The following IL17RD variants were observed in gnomAD, a reference collection of about 807,000 sequenced individuals.
IL17RD encodes interleukin 17 receptor D, also known as interleukin-17 receptor D.
IL17RD carries 52 observed loss-of-function variants against 80.5 expected under a neutral mutation model. The observed-to-expected ratio is 0.65, with a 90% confidence interval of 0.52 to 0.81. The LOEUF (loss-of-function observed/expected upper bound fraction) is 0.81, where lower values mean the gene tolerates loss of function less well. IL17RD is among the 40% of genes least tolerant of loss of function. IL17RD has a pLI of 0.00. For synonymous variants in IL17RD, 416 were observed against 391.8 expected, an observed-to-expected ratio of 1.06 and a Z score of -0.73; for missense variants, 1,024 against 955.1, an observed-to-expected ratio of 1.07 and a Z score of -0.95.
chr3:57,121,153 AAT>A (rs1707329195), intron 1 of IL17RD, among the ~76,000 whole-genome samples: 1 of 152,204 alleles, frequency 6.6e-6, no homozygotes, highest in Non-Finnish European at 1.5e-5. Context: ...AATTCTCCAA[AAT>A]ATGTTAATTC....
At chr3:57,113,010 C>T (rs1707132644) in intron 3 of IL17RD, among the ~76,000 whole-genome samples, 1 of 152,158 alleles carries the variant, frequency 6.6e-6, no homozygotes, top group Non-Finnish European at 1.5e-5. Context: ...GATTGGGAAG[C>T]TGGGGTTCAG....
intron 1 of IL17RD, chr3:57,134,282 G>T: frequency 2.9e-6 from 2 of 681,260 alleles, no homozygotes; most frequent in South Asian, 2.8e-5. Context: ...AAGATGGGCT[G>T]ATCATCTACA....
chr3:57,135,059 G>GATC (rs1368163497), intron 1 of IL17RD, among the ~76,000 whole-genome samples: 1 of 152,134 alleles, frequency 6.6e-6, no homozygotes, highest in African/African-American at 2.4e-5. Context: ...AGTGAGCCAT[G>GATC]ATCACTCCAC....
chr3:57,151,009 C>G (rs1414222365), intron 1 of IL17RD, among the ~76,000 whole-genome samples: 1 of 152,192 alleles, frequency 6.6e-6, no homozygotes, highest in Non-Finnish European at 1.5e-5. Context: ...CATTTAATAT[C>G]ACATGTTTAT....
At chr3:57,165,378 C>A, upstream of IL17RD, 1 of 1,120,548 alleles carries the variant, frequency 8.9e-7, no homozygotes, top group Non-Finnish European at 1.1e-6. Flanking sequence ...GCGGCCGCGG[C>A]GGCAGCGAAG....
At chr3:57,148,938 T>C (rs1707994040) in intron 1 of IL17RD, among the ~76,000 whole-genome samples, 1 of 152,104 alleles carries the variant, frequency 6.6e-6, no homozygotes, top group African/African-American at 2.4e-5. Flanking sequence ...CCAACTAACC[T>C]CTGCACCTTT....
chr3:57,102,316 G>A lies in IL17RD; in HGVS notation c.979+163C>T, dbSNP rs530090958. Among the ~76,000 whole-genome samples the A allele has an allele frequency of 8.9e-4, 136 of 152,232 alleles. 2 individuals carry two copies. Among genetic ancestry groups the A allele is most frequent in the Admixed American group, 5.0e-3 (76 of 15,302 alleles). ...ACCTGTTTTTTTTAGTGGCTCCTGA[G>A]GTTAAAAGCCAAATATTTTAATTCT... On this transcript the variant is annotated intron_variant, in intron 10 of 12. Transcript: ENST00000296318.
rs998017380 is a variant in IL17RD, at chr3:57,091,747, A to G, written c.*4646T>C. 7 of 152,308 alleles carry G rather than the reference A, an allele frequency of 4.6e-5. No homozygotes were observed. The highest frequency in any genetic ancestry group is 1.7e-4 in the African/African-American group (7 of 41,444). The allele number at this position is 152,308 out of a possible 1,614,324, so 9.4% of individuals were successfully genotyped here. The stretch of plus-strand genomic sequence containing the variant: ...GGAAGCTGGCTTGAATTTCTCTAAG[A>G]CATACAAAGAACTATCTGATCAGCA... On this transcript the variant is annotated 3_prime_UTR_variant, in exon 13 of 13. Transcript: ENST00000296318.
In IL17RD at chr3:57,096,252, A is replaced by G; in HGVS notation, c.*141T>C. 1.5e-6 allele frequency: 1 copy of G among 664,298 alleles called. No individual in the cohort carries two copies. Among genetic ancestry groups the G allele is most frequent in the Non-Finnish European group, 2.8e-6 (1 of 360,976 alleles). The allele number at this position is 664,298 out of a possible 1,614,324, so 41.2% of individuals were successfully genotyped here. A position where few individuals can be genotyped will look rare whatever the true frequency, so the allele number is the denominator to read the frequency against. The stretch of plus-strand genomic sequence containing the variant: ...CCGGTAAAGGGTTGGGGCAAGGGAG[A>G]ACAAGTACTGGCCAGCATTTCACTC... On this transcript the variant is annotated 3_prime_UTR_variant, in exon 13 of 13. Coordinates refer to ENST00000296318, the MANE Select transcript of IL17RD (RefSeq NM_017563.5).
In IL17RD at chr3:57,114,713, G is replaced by T. The variant is rs377559177; in HGVS notation, c.289C>A (p.Leu97Ile). Residue 97 changes from leucine (L) to isoleucine (I), a missense_variant, in exon 3 of 13, where the codon CTT becomes ATT. By Grantham distance (5) the Leu-to-Ile change is conservative. Transcript: ENST00000296318. Reference protein sequence around the residue: ...ACHDQVAVTILWSPGALGIEF... With the variant: ...ACHDQVAVTIIWSPGALGIEF... ...TCACCGAGGGCCCCTGGGGACCAAA[G>T]AATGGTGACTGCCACTTGGTCATGG... 4.0e-5 allele frequency: 64 copies of T among 1,611,532 alleles called. No homozygotes were observed. The highest frequency in any genetic ancestry group is 5.3e-5 in the Non-Finnish European group (62 of 1,179,260).
chr3:57,161,151 C>G (rs953199094), intron 1 of IL17RD, among the ~76,000 whole-genome samples: 3 of 152,184 alleles, frequency 2.0e-5, no homozygotes, highest in Non-Finnish European at 2.9e-5. Context: ...ATAAAAACGT[C>G]TCTCTAAAAA....
At chr3:57,130,913 GC>G (rs1707593841) in intron 1 of IL17RD, among the ~76,000 whole-genome samples, 1 of 152,166 alleles carries the variant, frequency 6.6e-6, no homozygotes, top group Non-Finnish European at 1.5e-5. Flanking sequence ...ATCCTGCCCA[GC>G]CCCCACCAGC....
intron 1 of IL17RD, among the ~76,000 whole-genome samples, chr3:57,148,104 G>C (rs13327879): frequency 0.23 from 10,346 of 44,288 alleles, 2,693 homozygotes; most frequent in East Asian, 0.58. Context: ...GGGGGGGGGG[G>C]CGATCGCTAG....
intron 1 of IL17RD, among the ~76,000 whole-genome samples, chr3:57,124,825 C>T (rs757465084): frequency 4.6e-5 from 7 of 152,292 alleles, no homozygotes; most frequent in Non-Finnish European, 7.4e-5. Context: ...ACACACGGCA[C>T]GTGCTGTCAT....
At chr3:57,159,904 G>A (rs2060292013) in intron 1 of IL17RD, among the ~76,000 whole-genome samples, 1 of 152,218 alleles carries the variant, frequency 6.6e-6, no homozygotes, top group South Asian at 2.1e-4. Context: ...AGGCACGGTG[G>A]CTCACGCCTG....
intron 1 of IL17RD, among the ~76,000 whole-genome samples, chr3:57,125,834 G>A (rs1477312609): frequency 2.6e-5 from 4 of 152,216 alleles, no homozygotes; most frequent in Admixed American, 6.5e-5. Context: ...AGACAGAGTC[G>A]AGGAGGACAG....
chr3:57,100,390 G>A (rs1263666402), intron 11 of IL17RD, among the ~76,000 whole-genome samples: 1 of 152,202 alleles, frequency 6.6e-6, no homozygotes, highest in Admixed American at 6.5e-5. Context: ...TACAGTTCTT[G>A]CATTTTCAAG....
At chr3:57,151,993 G>A (rs1451894271) in intron 1 of IL17RD, among the ~76,000 whole-genome samples, 1 of 152,156 alleles carries the variant, frequency 6.6e-6, no homozygotes, top group Admixed American at 6.5e-5. Context: ...GTCAGAGCCT[G>A]GGGAGCTGCG....
At chr3:57,167,540 G>A (rs1000058913), upstream of IL17RD, among the ~76,000 whole-genome samples, 3 of 152,096 alleles carry the variant, frequency 2.0e-5, no homozygotes, top group Non-Finnish European at 4.4e-5. Flanking sequence ...ACAATGAGGC[G>A]ACCAGCTCCT....
Sources: gnomAD v4.1 joint callset for allele counts (sites outside exome capture counted in the v4.1 genomes callset) on GRCh38, gnomAD v4.1.1 for gene constraint, MANE v1.5 for transcripts, NCBI Gene and HGNC (gene_info 2026-07-23, HGNC 2026-07-21) for gene names.